Variants in SLC36A1 observed in about 807,000 individuals in gnomAD.
The protein encoded by SLC36A1 is proton-coupled amino acid transporter 1.
Under a neutral mutation model 47.5 loss-of-function variants are expected in SLC36A1, and 30 were observed. The observed-to-expected ratio is 0.63, with a 90% confidence interval of 0.47 to 0.86. The LOEUF (loss-of-function observed/expected upper bound fraction) is 0.86. Ranked by LOEUF, SLC36A1 falls within the 40% of genes least tolerant of loss-of-function variation. The pLI is 0.00. For missense variants in SLC36A1, 517 were observed against 606.0 expected, an observed-to-expected ratio of 0.85 and a Z score of 1.54; for synonymous variants, 255 against 249.7, an observed-to-expected ratio of 1.02 and a Z score of -0.20.
chr5:151,412,344 G>T, the SLC36A1 span, among the ~76,000 whole-genome samples: 74 of 144,816 alleles, frequency 5.1e-4, 5 homozygotes, highest in African/African-American at 1.8e-3. Context: ...GAAATTTTCT[G>T]TGTGATAATT....
At chr5:151,553,293 A>G in the SLC36A1 span, 1 of 1,614,282 alleles carries the variant, frequency 6.2e-7, no homozygotes, top group Non-Finnish European at 8.5e-7. Context: ...ATCAAAGGCC[A>G]GAGGGATGGA....
chr5:151,380,369 C>T, the SLC36A1 span: 43 of 341,462 alleles, frequency 1.3e-4, no homozygotes, highest in Non-Finnish European at 1.2e-4. Context: ...AGTTGTGGGG[C>T]GAGGACCAGA....
At chr5:151,458,717 A>G in intron 1 of SLC36A1, 71 bp from the exon 2 acceptor site, 2 of 1,539,238 alleles carry the variant, frequency 1.3e-6, no homozygotes, top group Non-Finnish European at 1.8e-6. Context: ...CTTCTACCCC[A>G]GAGGCCACCC....
intron 5 of SLC36A1, among the ~76,000 whole-genome samples, chr5:151,466,034 C>T (rs1006604556): frequency 2.6e-5 from 4 of 151,514 alleles, no homozygotes; most frequent in Non-Finnish European, 5.9e-5. Flanking sequence ...CATTCATAGT[C>T]ACCTTTATCC....
At chr5:151,501,432 G>A in the SLC36A1 span, among the ~76,000 whole-genome samples, 9 of 149,006 alleles carry the variant, frequency 6.0e-5, no homozygotes, top group Admixed American at 1.3e-4. Context: ...TTTAGCTGGC[G>A]ACTAAGGGTG....
At chr5:151,495,173 C>T (rs889792219), downstream of SLC36A1, among the ~76,000 whole-genome samples, 1 of 152,108 alleles carries the variant, frequency 6.6e-6, no homozygotes, top group African/African-American at 2.4e-5. Context: ...AATTTTAGCC[C>T]TTCTAATAGG....
At chr5:151,399,084 A>ATATATATATAGATATT in the SLC36A1 span, among the ~76,000 whole-genome samples, 1 of 60,068 alleles carries the variant, frequency 1.7e-5, no homozygotes, top group Admixed American at 2.3e-4. Context: ...ATATATATAT[A>ATATATATATAGATATT]TTTTTTTTTT....
At chr5:151,540,642 A>G in the SLC36A1 span, 2 of 1,614,140 alleles carry the variant, frequency 1.2e-6, no homozygotes, top group Non-Finnish European at 1.7e-6. Context: ...GGAACTTGCC[A>G]TCAGATGCTG....
chr5:151,375,836 G>C, the SLC36A1 span, among the ~76,000 whole-genome samples: 1 of 152,114 alleles, frequency 6.6e-6, no homozygotes, highest in African/African-American at 2.4e-5. Context: ...TTTGTATATT[G>C]ATTTTGTATC....
intron 2 of SLC36A1, among the ~76,000 whole-genome samples, chr5:151,461,676 G>A (rs1755536016): frequency 6.6e-6 from 1 of 152,192 alleles, no homozygotes; most frequent in South Asian, 2.1e-4. Context: ...AAATTACACT[G>A]TAGAACGAAT....
At chr5:151,474,159 C>CAAAAAAAAAAAAAAAAAAAAAAAA (rs1156305401) in intron 8 of SLC36A1, among the ~76,000 whole-genome samples, 4 of 59,946 alleles carry the variant, frequency 6.7e-5, no homozygotes, top group African/African-American at 3.3e-4. Flanking sequence ...GACTCTGTCT[C>CAAAAAAAAAAAAAAAAAAAAAAAA]AAAAAAAAAA....
upstream of SLC36A1, among the ~76,000 whole-genome samples, chr5:151,444,502 T>G (rs903206348): frequency 3.9e-5 from 6 of 152,214 alleles, no homozygotes; most frequent in Non-Finnish European, 7.3e-5. Flanking sequence ...TTTTTTAATT[T>G]TTTTTTGAGA....
the SLC36A1 span, among the ~76,000 whole-genome samples, chr5:151,359,035 G>A: frequency 6.7e-6 from 1 of 149,810 alleles, no homozygotes; most frequent in East Asian, 2.0e-4. Context: ...CCACCCCGGA[G>A]TGTTGATTTA....
chr5:151,549,334 G>A, the SLC36A1 span: 42 of 1,613,496 alleles, frequency 2.6e-5, no homozygotes, highest in African/African-American at 6.7e-5. Flanking sequence ...TTGACTCCCC[G>A]GTCAGCATCC....
chr5:151,436,835 C>T (rs1032243986), upstream of SLC36A1, among the ~76,000 whole-genome samples: 17 of 152,124 alleles, frequency 1.1e-4, no homozygotes, highest in African/African-American at 4.1e-4. Context: ...CTATTCATTT[C>T]ATTGGTGAGA....
intron 1 of SLC36A1, among the ~76,000 whole-genome samples, chr5:151,451,791 A>G (rs17740674): frequency 0.28 from 42,063 of 152,064 alleles, 6,182 homozygotes; most frequent in South Asian, 0.46. Context: ...GCTTTTTATT[A>G]TGCAGAATAC....
the SLC36A1 span, among the ~76,000 whole-genome samples, chr5:151,363,117 CCTACTAGGTCA>C: frequency 6.6e-6 from 1 of 152,034 alleles, no homozygotes; most frequent in African/African-American, 2.4e-5. Context: ...GAATTTTTTC[CCTACTAGGTCA>C]CTACCTGTGT....
chr5:151,407,224 C>T, the SLC36A1 span, among the ~76,000 whole-genome samples: 1 of 152,236 alleles, frequency 6.6e-6, no homozygotes, highest in Admixed American at 6.5e-5. Context: ...TGGGTTGCTG[C>T]TGCTGGCTCT....
the SLC36A1 span, among the ~76,000 whole-genome samples, chr5:151,515,494 T>A: frequency 6.6e-6 from 1 of 152,168 alleles, no homozygotes; most frequent in African/African-American, 2.4e-5. Context: ...CTAATGGGCA[T>A]CTGAAACTTA....
Sources: gnomAD v4.1 joint callset for allele counts (sites outside exome capture counted in the v4.1 genomes callset) on GRCh38, gnomAD v4.1.1 for gene constraint, MANE v1.5 for transcripts, NCBI Gene and HGNC (gene_info 2026-07-23, HGNC 2026-07-21) for gene names.